Variants in HMCN2 observed in about 807,000 individuals in gnomAD.
HMCN2 encodes the protein hemicentin-2.
A neutral mutation model predicts 377.5 loss-of-function variants in HMCN2; 325 were observed. That is an observed-to-expected ratio of 0.86 (90% CI 0.79 to 0.94). The LOEUF (loss-of-function observed/expected upper bound fraction) is 0.94. Among genes scored for constraint, HMCN2 ranks in the 40% least tolerant of loss-of-function variants. The pLI, the probability that HMCN2 is intolerant of heterozygous loss-of-function variation, is 0.00. For missense variants in HMCN2, 4,543 were observed against 4,725.3 expected (o/e 0.96, Z 1.13); for synonymous variants, 2,007 against 2,046.8 (o/e 0.98, Z 0.53).
At chr9:130,350,607 C>T (rs189822202) in intron 29 of HMCN2, among the ~76,000 whole-genome samples, 1 of 151,472 alleles carries the variant, frequency 6.6e-6, no homozygotes, top group African/African-American at 2.4e-5. Context: ...GTACAGTGGG[C>T]CAGGTGCAGT....
At position 130,396,076 on chromosome 9, in the gene HMCN2, C is replaced by T; in HGVS notation, c.11053+11C>T. 1 of 741,108 alleles carries T rather than the reference C, an allele frequency of 1.3e-6. No homozygotes were observed. The highest frequency in any genetic ancestry group is 1.5e-5 in the South Asian group (1 of 65,406). 45.9% of individuals were successfully genotyped at this position (741,108 alleles called of 1,614,324 possible). On this transcript the variant is annotated intron_variant, in intron 72 of 97. Transcript: ENST00000683500. ...GCGTGGAGATCCACAGTGAGTAGGG[C>T]CCGCCCCACCCCACCCTGCCCACCT...
At chr9:130,342,285 C>T (rs1176838275) in intron 24 of HMCN2, 65 bp from the exon 25 acceptor site, 2 of 152,206 alleles carry the variant, frequency 1.3e-5, no homozygotes, top group Non-Finnish European at 2.9e-5. Flanking sequence ...TCCTTGGAGG[C>T]AGGGGTTGAG....
At position 130,375,867 on chromosome 9, in the gene HMCN2, C is replaced by G; in HGVS notation, c.7805-9C>G. 1 of 985,702 alleles carries G rather than the reference C, an allele frequency of 1.0e-6. No homozygotes were observed. Among genetic ancestry groups the G allele is most frequent in the Non-Finnish European group, 1.2e-6 (1 of 829,844 alleles). The allele number at this position is 985,702 out of a possible 1,614,324, so 61.1% of individuals were successfully genotyped here. On this transcript the variant is annotated splice_polypyrimidine_tract_variant and intron_variant, in intron 50 of 97. Transcript: ENST00000683500. ...TTTGGGGTGACCCTGGCCACTGGCCCCCACACAGGTACCCACGGGCTGCAG... is the reference window on the plus strand; with the variant it reads ...TTTGGGGTGACCCTGGCCACTGGCCGCCACACAGGTACCCACGGGCTGCAG...
chr9:130,371,142 A>C lies in HMCN2; in HGVS notation c.7237+11A>C. On this transcript the variant is annotated intron_variant, in intron 46 of 97. Coordinates refer to ENST00000683500, the MANE Select transcript of HMCN2 (RefSeq NM_001291815.2). ...CCTACCTGCTGGCAGGTAAGATACC[A>C]GCTAAGGTTGGATCCTGGGAATCAG... 3.0e-6 allele frequency: 3 copies of C among 985,770 alleles called. No individual in the cohort carries two copies. Among genetic ancestry groups the C allele is most frequent in the Non-Finnish European group, 3.6e-6 (3 of 829,886 alleles). 61.1% of individuals were successfully genotyped at this position (985,770 alleles called of 1,614,324 possible).
intron 45 of HMCN2, among the ~76,000 whole-genome samples, chr9:130,370,218 G>A (rs1428179190): frequency 1.3e-5 from 2 of 152,154 alleles, no homozygotes; most frequent in African/African-American, 4.8e-5. Context: ...CTTGAATACT[G>A]TTGGGGCAGG....
At chr9:130,300,258 C>T (rs1554933909) in intron 8 of HMCN2, among the ~76,000 whole-genome samples, 1 of 152,042 alleles carries the variant, frequency 6.6e-6, no homozygotes, top group East Asian at 1.9e-4. Flanking sequence ...ATCTATCCAC[C>T]CATTCGTCCA....
chr9:130,377,766 G>A lies in HMCN2; in HGVS notation c.8179G>A (p.Glu2727Lys), dbSNP rs543860535. 3 of 985,944 alleles carry A rather than the reference G, an allele frequency of 3.0e-6. No homozygotes were observed. The highest frequency in any genetic ancestry group is 3.6e-6 in the Non-Finnish European group (3 of 829,978). The allele number at this position is 985,944 out of a possible 1,614,324, so 61.1% of individuals were successfully genotyped here. A position where few individuals can be genotyped will look rare whatever the true frequency, so the allele number is the denominator to read the frequency against. ...YLCVATNVAGEDDQDFNVLIQ... is the reference protein window; with the variant it reads ...YLCVATNVAGKDDQDFNVLIQ... ...GTGTGTGGCCACCAATGTGGCTGGC[G>A]AGGACGACCAGGACTTCAACGTGCT... Residue 2727 changes from glutamate to lysine, a missense_variant, in exon 53 of 98, where the codon GAG (glutamate) becomes AAG (lysine). Coordinates refer to ENST00000683500, the MANE Select transcript of HMCN2 (RefSeq NM_001291815.2).
intron 22 of HMCN2, among the ~76,000 whole-genome samples, 192 bp from the exon 23 acceptor site, chr9:130,337,702 A>T (rs1838826131): frequency 7.0e-6 from 1 of 143,858 alleles, no homozygotes; most frequent in African/African-American, 2.6e-5. Context: ...CTTCTCTTAC[A>T]CCAGTAGGCG....
Position 130,356,256 on chromosome 9 carries a change from T to C in HMCN2, c.5424T>C (p.His1808=). 1.5e-6 allele frequency: 2 copies of C among 1,294,450 alleles called. No homozygotes were observed. The highest frequency in any genetic ancestry group is 2.0e-6 in the Non-Finnish European group (2 of 985,772). 80.2% of individuals were successfully genotyped at this position (1,294,450 alleles called of 1,614,324 possible). A position where few individuals can be genotyped will look rare whatever the true frequency, so the allele number is the denominator to read the frequency against. Residue 1808 remains histidine, a splice_region_variant and synonymous_variant, in exon 34 of 98, where the codon CAT becomes CAC. Coordinates refer to ENST00000683500, the MANE Select transcript of HMCN2 (RefSeq NM_001291815.2). ...TAGAEVEVSV[H]EFPSVSIIGG... ...GGGCCGAGGTGGAGGTGTCTGTGCA[T>C]GGTGAGTGGGCGCCTGGGGTTCTGG...
chr9:130,371,120 AC>A lies in HMCN2; in HGVS notation c.7228del (p.Leu2410CysfsTer8). On this transcript the variant is annotated frameshift_variant, in exon 46 of 98. Coordinates refer to ENST00000683500, the MANE Select transcript of HMCN2 (RefSeq NM_001291815.2). LOFTEE classifies it high-confidence loss of function. ...CCTGTCAGCCCCGGGGAGGACACCT[AC>A]CTGCTGGCAGGTAAGATACCAGCTA... ...EEPVSPGEDT[Y>X]LLAGGWMLKM... 1.0e-6 allele frequency: 1 copy of A among 985,882 alleles called. No homozygotes were observed. The highest frequency in any genetic ancestry group is 4.7e-5 in the South Asian group (1 of 21,286). 61.1% of individuals were successfully genotyped at this position (985,882 alleles called of 1,614,324 possible).
chr9:130,286,172 C>T lies in HMCN2; in HGVS notation c.490-16C>T, dbSNP rs543574250. On this transcript the variant is annotated splice_polypyrimidine_tract_variant and intron_variant, in intron 3 of 97. Transcript: ENST00000683500. ...GGCCAGGGAAGTCGAGAGCAGGCTG[C>T]ACGTCCATCTTCCAGGTGGTCTTTG... is the stretch of plus-strand genomic sequence containing the variant. 225 of 470,362 alleles carry T rather than the reference C, an allele frequency of 4.8e-4. 2 individuals carry two copies. The highest frequency in any genetic ancestry group is 3.3e-3 in the South Asian group (215 of 64,502). The allele number at this position is 470,362 out of a possible 1,614,324, so 29.1% of individuals were successfully genotyped here.
chr9:130,422,813 G>A lies in HMCN2; in HGVS notation c.13381+87G>A, dbSNP rs1432378246. 42 of 1,107,338 alleles carry A rather than the reference G, an allele frequency of 3.8e-5. No homozygotes were observed. The highest frequency in any genetic ancestry group is 1.9e-4 in the East Asian group (6 of 31,104). 68.6% of individuals were successfully genotyped at this position (1,107,338 alleles called of 1,614,324 possible). A position where few individuals can be genotyped will look rare whatever the true frequency, so the allele number is the denominator to read the frequency against. ...CCAGAACATGCTGGACCTAGGAGGC[G>A]CAGAGCCTGTGCCCCGAGACTTGCT... On this transcript the variant is annotated intron_variant, in intron 87 of 97. Transcript: ENST00000683500. This position sits in a 1 kb window ranked among gnomAD's most constrained non-coding sequence, Gnocchi z 4.2.
At chr9:130,374,371 C>T in intron 48 of HMCN2, 131 bp from the exon 49 acceptor site, 8 of 298,324 alleles carry the variant, frequency 2.7e-5, no homozygotes, top group Non-Finnish European at 4.0e-5. Context: ...GCTGCTTCTT[C>T]TTGTGCTTCA....
At chr9:130,365,317 A>C (rs921352804) in intron 41 of HMCN2, among the ~76,000 whole-genome samples, 1 of 152,188 alleles carries the variant, frequency 6.6e-6, no homozygotes, top group Non-Finnish European at 1.5e-5. Context: ...CTTTCCAAAG[A>C]GGCTGGGAGC....
chr9:130,409,636 G>A (rs571530344), intron 84 of HMCN2, among the ~76,000 whole-genome samples: 1 of 152,206 alleles, frequency 6.6e-6, no homozygotes, highest in Non-Finnish European at 1.5e-5. Context: ...GGCCAGGCAC[G>A]GGGCCTTGCA....
In HMCN2 at chr9:130,428,969, G is replaced by C. The variant is rs772601778; in HGVS notation, c.14197+480G>C. Among the ~76,000 whole-genome samples the C allele has an allele frequency of 1.1e-4, 17 of 152,308 alleles. No homozygotes were observed. The highest frequency in any genetic ancestry group is 2.9e-5 in the Non-Finnish European group (2 of 68,028). On this transcript the variant is annotated intron_variant, in intron 93 of 97. Coordinates refer to ENST00000683500, the MANE Select transcript of HMCN2 (RefSeq NM_001291815.2). The surrounding 1 kb of genome is among the most constrained non-coding windows in gnomAD (Gnocchi z 5.0). The stretch of plus-strand genomic sequence containing the variant: ...CTCAATGGTCCTTCCTGCTCTAACA[G>C]TCTATGGCTGTAGGACCGTGGGTCC...
intron 4 of HMCN2, among the ~76,000 whole-genome samples, chr9:130,292,152 G>A (rs924322695): frequency 1.9e-4 from 29 of 152,074 alleles, no homozygotes; most frequent in Non-Finnish European, 3.2e-4. Context: ...GTATCACACC[G>A]GGAGGCAAAT....
chr9:130,327,323 C>G lies in HMCN2; in HGVS notation c.3207C>G (p.Ile1069Met), dbSNP rs1213429901. 1.3e-5 allele frequency: 2 copies of G among 152,358 alleles called. No individual in the cohort carries two copies. Among genetic ancestry groups the G allele is most frequent in the Non-Finnish European group, 2.9e-5 (2 of 68,150 alleles). The allele number at this position is 152,358 out of a possible 1,614,324, so 9.4% of individuals were successfully genotyped here. ...MRLSVNTKPR[I>M]HMNGSRNADV... Reference sequence around the variant, plus strand: ...CTCTCCCCGCAGCCAAACCCAGGATCCATATGAACGGGTCACGTAATGCAG... The same window carrying G: ...CTCTCCCCGCAGCCAAACCCAGGATGCATATGAACGGGTCACGTAATGCAG... The change falls in exon 22 of 98, where the codon ATC (isoleucine) becomes ATG (methionine). Residue 1069 changes from isoleucine to methionine, a missense_variant. By Grantham distance (10) the Ile-to-Met change is conservative. This residue lies in a region of HMCN2 where 547 missense variants were observed against 189.9 expected (regional missense o/e 2.88). Coordinates refer to ENST00000683500, the MANE Select transcript of HMCN2 (RefSeq NM_001291815.2).
At position 130,284,591 on chromosome 9, in the gene HMCN2, T is replaced by C. The variant is rs782355040; in HGVS notation, c.260-12T>C. The C allele has an allele frequency of 1.9e-5, 9 of 471,052 alleles. No homozygotes were observed. The East Asian group carries it at 4.9e-4, about 25-fold the overall frequency. 29.2% of individuals were successfully genotyped at this position (471,052 alleles called of 1,614,324 possible). On this transcript the variant is annotated splice_polypyrimidine_tract_variant and intron_variant, in intron 1 of 97. Transcript: ENST00000683500. ...CCCAGCCCATCTGGGCGTCCCTCTC[T>C]CTTCTCCACAGATATTGGCCCAGTG...
Sources: gnomAD v4.1 joint callset for allele counts (sites outside exome capture counted in the v4.1 genomes callset) on GRCh38, gnomAD v4.1.1 for gene constraint, gnomAD v4.1.1 regional missense constraint, Gnocchi (gnomAD v3.1) non-coding constraint, MANE v1.5 for transcripts, NCBI Gene and HGNC (gene_info 2026-07-23, HGNC 2026-07-21) for gene names.